CACNA1C: variants seen among roughly 807,000 people sequenced by gnomAD.
The protein encoded by CACNA1C is calcium voltage-gated channel subunit alpha1 C, also known as voltage-dependent L-type calcium channel subunit alpha-1C.
A neutral mutation model predicts 229.0 loss-of-function variants in CACNA1C; 30 were observed. The ratio of observed to expected loss-of-function variants is 0.13; its 90% CI spans 0.10 to 0.18. The LOEUF is 0.18. Ranked by LOEUF, CACNA1C falls within the 10% of genes least tolerant of loss-of-function variation. The pLI, the probability that CACNA1C is intolerant of heterozygous loss-of-function variation, is 1.00. For missense variants in CACNA1C, 1,658 were observed against 2,845.0 expected (o/e 0.58, Z 9.49); for synonymous variants, 1,114 against 1,132.5 (o/e 0.98, Z 0.33).
chr12:2,697,523 A>C lies in CACNA1C; in HGVS notation c.*6324A>C, dbSNP rs2097850681. 1 of 152,012 alleles carries C rather than the reference A, an allele frequency of 6.6e-6. No individual in the cohort carries two copies. The highest frequency in any genetic ancestry group is 1.5e-5 in the Non-Finnish European group (1 of 68,010). The allele number at this position is 152,012 out of a possible 1,614,324, so 9.4% of individuals were successfully genotyped here. A position where few individuals can be genotyped will look rare whatever the true frequency, so the allele number is the denominator to read the frequency against. ...AGCTCCTCTAATCTCCCCTTCCCTC[A>C]TGTCCTCCAGCTCAAACCCACCTTC... On this transcript the variant is annotated 3_prime_UTR_variant, in exon 47 of 47. Transcript: ENST00000399655.
chr12:2,616,757 T>TG (rs2080838139), intron 29 of CACNA1C, among the ~76,000 whole-genome samples: 1 of 152,248 alleles, frequency 6.6e-6, no homozygotes, highest in Non-Finnish European at 1.5e-5. Flanking sequence ...TGACCCCCTC[T>TG]GGGGTGCAGA....
rs2098526917 is a variant in CACNA1C, at chr12:2,393,790, A to AGAT, written c.478-55186_478-55185insGAT. 2.0e-5 allele frequency among the ~76,000 whole-genome samples: 3 copies of AGAT among 152,266 alleles called. No homozygotes were observed. In the South Asian group the frequency reaches 6.2e-4, roughly 32 times the overall value. On this transcript the variant is annotated intron_variant, in intron 3 of 46. Transcript: ENST00000399655. ...GGAAGTAAAACTCAGGAAAGGGTTT[A>AGAT]CATCTCTGAATTAGGCTGAAAAGGG... is the stretch of plus-strand genomic sequence containing the variant.
chr12:2,117,200 C>T (rs1016376044), intron 2 of CACNA1C, among the ~76,000 whole-genome samples: 3 of 152,036 alleles, frequency 2.0e-5, no homozygotes, highest in African/African-American at 4.8e-5. Flanking sequence ...GAACTCGGGA[C>T]GAAGAGGTTG....
chr12:2,058,358 A>G (rs539828488), intron 1 of CACNA1C, among the ~76,000 whole-genome samples: 1 of 152,252 alleles, frequency 6.6e-6, no homozygotes, highest in South Asian at 2.1e-4. Flanking sequence ...AGACAATTTT[A>G]TTTTCCAATA....
intron 3 of CACNA1C, among the ~76,000 whole-genome samples, chr12:2,367,062 G>A (rs2097742013): frequency 6.6e-6 from 1 of 152,084 alleles, no homozygotes; most frequent in Non-Finnish European, 1.5e-5. Flanking sequence ...ATGAGATTTG[G>A]GTGGGTACAC....
chr12:2,177,589 CT>C (rs202097879), intron 3 of CACNA1C, among the ~76,000 whole-genome samples: 7,459 of 45,020 alleles, frequency 0.17, 861 homozygotes, highest in African/African-American at 0.36. Context: ...CCCTCCCTCC[CT>C]TCCTTCCTTC....
chr12:2,407,141 A>G (rs2098746721), intron 3 of CACNA1C, among the ~76,000 whole-genome samples: 1 of 152,194 alleles, frequency 6.6e-6, no homozygotes, highest in African/African-American at 2.4e-5. Flanking sequence ...GAGAGGCCTC[A>G]TTACCACATG....
chr12:2,213,183 C>T (rs914754259), intron 3 of CACNA1C, among the ~76,000 whole-genome samples: 8 of 152,032 alleles, frequency 5.3e-5, no homozygotes, highest in Non-Finnish European at 7.4e-5. Context: ...AGGAGCTGGA[C>T]GGGCATCTGA....
At chr12:2,154,424 A>G (rs2095446669) in intron 3 of CACNA1C, among the ~76,000 whole-genome samples, 1 of 152,084 alleles carries the variant, frequency 6.6e-6, no homozygotes. Context: ...TCCCTGCCCC[A>G]CTCATCGTGG....
At chr12:2,060,496 A>G (rs1181991768) in intron 1 of CACNA1C, among the ~76,000 whole-genome samples, 1 of 152,196 alleles carries the variant, frequency 6.6e-6, no homozygotes, top group Non-Finnish European at 1.5e-5. Flanking sequence ...TGCCTCTGAC[A>G]TTCCCATCTT....
intron 3 of CACNA1C, among the ~76,000 whole-genome samples, chr12:2,252,734 C>G (rs564644191): frequency 1.3e-5 from 2 of 152,176 alleles, no homozygotes; most frequent in Non-Finnish European, 1.5e-5. Context: ...TGTTACAGAC[C>G]TGTTAGGTCA....
At chr12:2,567,425 C>A in intron 12 of CACNA1C, 144 bp from the exon 13 acceptor site, 1 of 608,028 alleles carries the variant, frequency 1.6e-6, no homozygotes, top group South Asian at 2.0e-5. Context: ...TTGGCCCCAA[C>A]TTCTGTTCTG....
intron 3 of CACNA1C, among the ~76,000 whole-genome samples, chr12:2,141,238 G>T (rs770905617): frequency 6.6e-6 from 1 of 151,292 alleles, no homozygotes; most frequent in Non-Finnish European, 1.5e-5. Context: ...ACGTTGGCAG[G>T]TCTGTGTGCT....
At chr12:2,302,964 G>C (rs934643466) in intron 3 of CACNA1C, among the ~76,000 whole-genome samples, 6 of 152,314 alleles carry the variant, frequency 3.9e-5, no homozygotes, top group East Asian at 1.9e-4. Flanking sequence ...GCCCCGGGAG[G>C]GGGGCCTGGT....
chr12:2,265,836 C>T (rs144263452), intron 3 of CACNA1C, among the ~76,000 whole-genome samples: 41 of 152,344 alleles, frequency 2.7e-4, no homozygotes, highest in Middle Eastern at 3.4e-3. Context: ...CCAGCAATCT[C>T]TGGAGCCCCT....
intron 1 of CACNA1C, among the ~76,000 whole-genome samples, chr12:2,013,280 A>G (rs1233189744): frequency 6.6e-6 from 1 of 152,184 alleles, no homozygotes; most frequent in Non-Finnish European, 1.5e-5. Context: ...TAGAATATAA[A>G]GTGCCTGCCT....
chr12:2,024,534 A>G (rs2046987154), intron 1 of CACNA1C, among the ~76,000 whole-genome samples: 1 of 152,088 alleles, frequency 6.6e-6, no homozygotes, highest in Admixed American at 6.5e-5. Flanking sequence ...TTCACAGTCC[A>G]GGCAGCAGGA....
chr12:2,141,332 T>G (rs76328006), intron 3 of CACNA1C, among the ~76,000 whole-genome samples: 4 of 151,148 alleles, frequency 2.6e-5, no homozygotes, highest in African/African-American at 9.7e-5. Flanking sequence ...GCCTTGACTT[T>G]AGCATTCCCA....
intron 7 of CACNA1C, among the ~76,000 whole-genome samples, chr12:2,499,493 G>C (rs1016493676): frequency 6.6e-6 from 1 of 152,192 alleles, no homozygotes; most frequent in African/African-American, 2.4e-5. Context: ...TTATTCCCCT[G>C]TTTATCTTTT....
Sources: allele counts gnomAD v4.1 joint callset (sites outside exome capture counted in the v4.1 genomes callset), GRCh38; gene constraint gnomAD v4.1.1; transcripts MANE v1.5; gene names NCBI Gene and HGNC (gene_info 2026-07-23, HGNC 2026-07-21).